Variants in ABLIM1 observed in about 807,000 individuals in gnomAD.
ABLIM1 encodes the protein actin-binding LIM protein 1.
In ABLIM1, 40 loss-of-function variants were observed where a neutral mutation model predicts 107.0. The ratio of observed to expected loss-of-function variants is 0.37; its 90% CI spans 0.29 to 0.49. The LOEUF (loss-of-function observed/expected upper bound fraction) is 0.49. Among genes scored for constraint, ABLIM1 ranks in the 20% least tolerant of loss-of-function variants. The probability of loss-of-function intolerance (pLI) is 0.97; values close to 1 mark genes in which losing one functional copy is unlikely to be tolerated. For synonymous variants in ABLIM1, 357 were observed against 357.3 expected (o/e 1.00, Z 0.01); for missense variants, 857 against 1,008.5 (o/e 0.85, Z 2.04).
At chr10:114,485,466 A>C in intron 8 of ABLIM1, 3 of 1,222,274 alleles carry the variant, frequency 2.5e-6, no homozygotes, top group Non-Finnish European at 3.4e-6. Context: ...AAACAAAACA[A>C]CAACCACCTT....
intron 6 of ABLIM1, among the ~76,000 whole-genome samples, chr10:114,504,283 G>C (rs79671172): frequency 0.12 from 18,091 of 152,026 alleles, 1,210 homozygotes; most frequent in African/African-American, 0.19. Flanking sequence ...CTTGGTGGGC[G>C]CCTGTTATTC....
chr10:114,780,584 T>G, the ABLIM1 span, among the ~76,000 whole-genome samples: 1 of 152,148 alleles, frequency 6.6e-6, no homozygotes, highest in Non-Finnish European at 1.5e-5. Flanking sequence ...CCCAACCCCC[T>G]GATTCCTTGG....
intron 2 of ABLIM1, among the ~76,000 whole-genome samples, chr10:114,589,101 G>C (rs954099733): frequency 6.6e-6 from 1 of 151,696 alleles, no homozygotes. Context: ...AGTTCTAAAA[G>C]TTTTAAAAAC....
At chr10:114,554,527 G>A (rs183004309) in intron 4 of ABLIM1, among the ~76,000 whole-genome samples, 9 of 152,264 alleles carry the variant, frequency 5.9e-5, no homozygotes, top group Non-Finnish European at 8.8e-5. Context: ...TGAGACCCCC[G>A]TCTCTACAGA....
intron 1 of ABLIM1, among the ~76,000 whole-genome samples, chr10:114,648,878 G>T (rs4752071): frequency 0.24 from 36,336 of 151,890 alleles, 4,965 homozygotes; most frequent in African/African-American, 0.38. Flanking sequence ...ACACAGCAGA[G>T]CCCAAAAGAG....
At chr10:114,746,954 CT>C (rs1332363093) in intron 1 of ABLIM1, among the ~76,000 whole-genome samples, 1 of 152,092 alleles carries the variant, frequency 6.6e-6, no homozygotes, top group African/African-American at 2.4e-5. Context: ...GGATATTAAA[CT>C]CTTATTAAGG....
intron 1 of ABLIM1, among the ~76,000 whole-genome samples, chr10:114,767,797 A>G (rs958905648): frequency 1.3e-5 from 2 of 151,830 alleles, no homozygotes; most frequent in Admixed American, 1.3e-4. Context: ...CCCATCCCCC[A>G]CGCCTCCCAG....
intron 1 of ABLIM1, among the ~76,000 whole-genome samples, chr10:114,693,862 T>C (rs1312202082): frequency 6.7e-6 from 1 of 150,150 alleles, no homozygotes; most frequent in Non-Finnish European, 1.5e-5. Flanking sequence ...GGGTTATTGC[T>C]GTGTTGCTCA....
At chr10:114,702,223 C>T (rs1047443133) in intron 1 of ABLIM1, among the ~76,000 whole-genome samples, 10 of 152,220 alleles carry the variant, frequency 6.6e-5, no homozygotes, top group South Asian at 4.1e-4. Flanking sequence ...TCTGTAAATA[C>T]CACATTGCAA....
At chr10:114,545,219 T>A in intron 5 of ABLIM1, 121 bp from the exon 6 acceptor site, 1 of 847,326 alleles carries the variant, frequency 1.2e-6, no homozygotes, top group East Asian at 2.6e-5. Context: ...CCCTGCCCAG[T>A]GTTCACATGC....
chr10:114,581,811 T>C (rs148524058), intron 2 of ABLIM1, among the ~76,000 whole-genome samples: 16 of 152,200 alleles, frequency 1.1e-4, no homozygotes, highest in African/African-American at 3.9e-4. Flanking sequence ...TTTCCAGTGA[T>C]GAGGGCCATG....
intron 2 of ABLIM1, among the ~76,000 whole-genome samples, chr10:114,595,478 T>G (rs930434082): frequency 6.6e-6 from 1 of 152,136 alleles, no homozygotes. Flanking sequence ...TAAAAACCTA[T>G]CACTGGAACG....
chr10:114,750,769 T>G (rs2082493350), intron 1 of ABLIM1, among the ~76,000 whole-genome samples: 1 of 152,234 alleles, frequency 6.6e-6, no homozygotes, highest in Non-Finnish European at 1.5e-5. Context: ...TAGATTTCAT[T>G]TAACATCTCA....
At chr10:114,777,959 G>C in the ABLIM1 span, 1 of 152,230 alleles carries the variant, frequency 6.6e-6, no homozygotes, top group African/African-American at 2.4e-5. Flanking sequence ...AGGTGTTGCA[G>C]CAAGAGCGCT....
At chr10:114,446,396 T>C (rs531914445) in intron 15 of ABLIM1, among the ~76,000 whole-genome samples, 21 of 152,266 alleles carry the variant, frequency 1.4e-4, no homozygotes, top group African/African-American at 4.6e-4. Context: ...GTAAATTGTG[T>C]TCAATTTTTT....
chr10:114,784,528 G>A, the ABLIM1 span, among the ~76,000 whole-genome samples: 6 of 149,934 alleles, frequency 4.0e-5, no homozygotes, highest in Admixed American at 1.3e-4. Flanking sequence ...TGAGCTGGGC[G>A]TGGTGGCGGG....
At chr10:114,524,959 C>T (rs1019578027) in intron 6 of ABLIM1, among the ~76,000 whole-genome samples, 2 of 152,276 alleles carry the variant, frequency 1.3e-5, no homozygotes, top group African/African-American at 2.4e-5. Context: ...CCCTGGGACT[C>T]CAGCCTCCTC....
At chr10:114,517,764 T>C (rs561744177) in intron 6 of ABLIM1, among the ~76,000 whole-genome samples, 9 of 152,252 alleles carry the variant, frequency 5.9e-5, no homozygotes, top group Admixed American at 2.0e-4. Context: ...GAAACCTTCC[T>C]CATCATGCAA....
At chr10:114,787,231 C>CT in the ABLIM1 span, among the ~76,000 whole-genome samples, 1 of 151,796 alleles carries the variant, frequency 6.6e-6, no homozygotes, top group Non-Finnish European at 1.5e-5. Context: ...ACCGCCCTGT[C>CT]TGAGAAGCGA....
Sources: allele counts gnomAD v4.1 joint callset (sites outside exome capture counted in the v4.1 genomes callset), GRCh38; gene constraint gnomAD v4.1.1; transcripts MANE v1.5; gene names NCBI Gene and HGNC (gene_info 2026-07-23, HGNC 2026-07-21).